Variants in TMEM229B observed in about 807,000 individuals in gnomAD.
TMEM229B encodes the protein transmembrane protein 229B.
In TMEM229B, 6 loss-of-function variants were observed where a neutral mutation model predicts 13.7. The observed-to-expected ratio is 0.44, with a 90% confidence interval of 0.24 to 0.86. The LOEUF is 0.86. Ranked by LOEUF, TMEM229B falls within the 40% of genes least tolerant of loss-of-function variation. TMEM229B has a pLI of 0.23. For missense variants in TMEM229B, 170 were observed against 236.0 expected (o/e 0.72, Z 1.83); for synonymous variants, 107 against 102.1 (o/e 1.05, Z -0.29).
chr14:67,488,332 G>A (rs1374264071), intron 1 of TMEM229B, among the ~76,000 whole-genome samples, 176 bp downstream of exon 1: 2 of 152,388 alleles, frequency 1.3e-5, no homozygotes, highest in South Asian at 2.1e-4. Context: ...AAGGGCAGGA[G>A]TGGGGGAACT....
intron 1 of TMEM229B, among the ~76,000 whole-genome samples, chr14:67,488,267 G>A (rs926769716): frequency 3.3e-5 from 5 of 152,236 alleles, no homozygotes; most frequent in African/African-American, 1.2e-4. Flanking sequence ...AGGCCGCTTG[G>A]GCCCTTGCTC....
upstream of TMEM229B, among the ~76,000 whole-genome samples, chr14:67,492,087 C>A (rs2032193726): frequency 1.3e-5 from 2 of 152,180 alleles, no homozygotes; most frequent in Admixed American, 6.5e-5. Context: ...TCTCCCCCTT[C>A]CTCCTCCCCA....
chr14:67,521,231 T>C (rs75744792), intron 1 of TMEM229B, among the ~76,000 whole-genome samples: 8,947 of 152,312 alleles, frequency 0.059, 360 homozygotes, highest in South Asian at 0.15. Context: ...TTAGGTAACT[T>C]CATAAATTAC....
chr14:67,513,732 C>A (rs1170996789), intron 1 of TMEM229B, among the ~76,000 whole-genome samples: 1 of 152,150 alleles, frequency 6.6e-6, no homozygotes, highest in African/African-American at 2.4e-5. Flanking sequence ...AGTCTAGGGC[C>A]CTCCAGTGCC....
At chr14:67,521,140 T>G (rs1418392742) in intron 1 of TMEM229B, among the ~76,000 whole-genome samples, 1 of 152,224 alleles carries the variant, frequency 6.6e-6, no homozygotes, top group Admixed American at 6.5e-5. Flanking sequence ...ATGTAGATTG[T>G]TGAATAATAT....
At chr14:67,497,873 C>G (rs977199487) in intron 1 of TMEM229B, among the ~76,000 whole-genome samples, 4 of 151,840 alleles carry the variant, frequency 2.6e-5, no homozygotes, top group Non-Finnish European at 4.4e-5. Context: ...TGTAAAGGTT[C>G]AAGCATCTGA....
intron 1 of TMEM229B, among the ~76,000 whole-genome samples, chr14:67,507,621 T>C (rs1379236493): frequency 1.3e-5 from 2 of 152,134 alleles, no homozygotes; most frequent in East Asian, 3.9e-4. Flanking sequence ...ACTAATTTTG[T>C]GTAAAGACAA....
chr14:67,477,531 C>A (rs1235339364), intron 2 of TMEM229B, among the ~76,000 whole-genome samples: 1 of 152,146 alleles, frequency 6.6e-6, no homozygotes, highest in Non-Finnish European at 1.5e-5. Flanking sequence ...GAATTTCTGT[C>A]CCCGGCCAGA....
intron 2 of TMEM229B, among the ~76,000 whole-genome samples, chr14:67,480,583 G>A (rs1310606508): frequency 6.6e-6 from 1 of 152,082 alleles, no homozygotes; most frequent in Non-Finnish European, 1.5e-5. Context: ...GCGGTCTGAG[G>A]GCCTGAGACA....
intron 2 of TMEM229B, among the ~76,000 whole-genome samples, chr14:67,486,171 C>T (rs1433427811): frequency 1.3e-5 from 2 of 152,236 alleles, no homozygotes; most frequent in Admixed American, 6.5e-5. Flanking sequence ...TGAATTTCCA[C>T]CATGTTGTGG....
chr14:67,506,515 A>G (rs1469764974), intron 1 of TMEM229B, among the ~76,000 whole-genome samples: 1 of 152,180 alleles, frequency 6.6e-6, no homozygotes, highest in Non-Finnish European at 1.5e-5. Context: ...CCCCAGTAGC[A>G]TGGTACCCCC....
upstream of TMEM229B, among the ~76,000 whole-genome samples, chr14:67,493,405 CCA>C (rs2032244122): frequency 6.6e-6 from 1 of 152,174 alleles, no homozygotes; most frequent in Admixed American, 6.5e-5. Context: ...CCAACCCCAG[CCA>C]ACACAGGGAG....
intron 1 of TMEM229B, among the ~76,000 whole-genome samples, chr14:67,508,271 A>T (rs747659615): frequency 6.6e-6 from 1 of 151,772 alleles, no homozygotes; most frequent in Non-Finnish European, 1.5e-5. Context: ...CCCAACTCTG[A>T]CTTCTGACAG....
upstream of TMEM229B, among the ~76,000 whole-genome samples, chr14:67,519,302 G>A (rs112535759): frequency 1.1e-3 from 167 of 152,284 alleles, no homozygotes; most frequent in African/African-American, 3.9e-3. Flanking sequence ...CAGATGGCTC[G>A]CATATTTAAA....
chr14:67,505,366 C>T (rs972802602), intron 1 of TMEM229B, among the ~76,000 whole-genome samples: 1 of 152,136 alleles, frequency 6.6e-6, no homozygotes, highest in Non-Finnish European at 1.5e-5. Flanking sequence ...ATGTCTGTCC[C>T]CTGCAACTGG....
At chr14:67,490,004 A>C (rs1453844659), upstream of TMEM229B, among the ~76,000 whole-genome samples, 1 of 151,654 alleles carries the variant, frequency 6.6e-6, no homozygotes, top group African/African-American at 2.4e-5. Flanking sequence ...AAAAAAAAAA[A>C]ATTCTGTCTA....
At chr14:67,502,457 T>TC (rs1468757556) in intron 1 of TMEM229B, among the ~76,000 whole-genome samples, 3 of 14,644 alleles carry the variant, frequency 2.0e-4, no homozygotes, top group Non-Finnish European at 1.8e-3. Context: ...AGGTGATTTC[T>TC]TTTTTTTTTT....
chr14:67,486,388 C>A (rs936680865), intron 2 of TMEM229B, among the ~76,000 whole-genome samples: 4 of 152,262 alleles, frequency 2.6e-5, no homozygotes, highest in Non-Finnish European at 5.9e-5. Flanking sequence ...GATTCTCCTG[C>A]CTCAGCCTCC....
chr14:67,481,882 C>G (rs1236082796), intron 2 of TMEM229B, among the ~76,000 whole-genome samples: 2 of 152,168 alleles, frequency 1.3e-5, no homozygotes, highest in Non-Finnish European at 2.9e-5. Flanking sequence ...TGGTGACAAA[C>G]AAAACTGTCC....
Sources: allele counts gnomAD v4.1 joint callset (sites outside exome capture counted in the v4.1 genomes callset), GRCh38; gene constraint gnomAD v4.1.1; transcripts MANE v1.5; gene names NCBI Gene and HGNC (gene_info 2026-07-23, HGNC 2026-07-21).